PSMD1: variants seen among roughly 807,000 people sequenced by gnomAD.
PSMD1 encodes the protein 26S proteasome non-ATPase regulatory subunit 1.
In PSMD1, 18 loss-of-function variants were observed where a neutral mutation model predicts 119.0. The ratio of observed to expected loss-of-function variants is 0.15; its 90% CI spans 0.10 to 0.22. PSMD1 has a LOEUF of 0.22. PSMD1 is among the 10% of genes least tolerant of loss of function. The pLI is 1.00. For synonymous variants in PSMD1, 374 were observed against 396.6 expected, an observed-to-expected ratio of 0.94 and a Z score of 0.68; for missense variants, 702 against 1,158.5, an observed-to-expected ratio of 0.61 and a Z score of 5.72.
rs762993767 is a variant in PSMD1, at chr2:231,146,287, C to T, written c.2046C>T (p.Tyr682=). Residue 682 remains tyrosine, a synonymous_variant, in exon 18 of 25, where the codon TAC becomes TAT. Coordinates refer to ENST00000308696, the MANE Select transcript of PSMD1 (RefSeq NM_002807.4). ...LEPMTNDPVN[Y]VRQGALIASA... is the part of the protein sequence containing the mutation. ...CAATGACAAACGACCCCGTGAACTA[C>T]GTGAGGCAAGGGGCACTCATAGCTT... 8 of 1,613,764 alleles carry T rather than the reference C, an allele frequency of 5.0e-6. No homozygotes were observed. Among genetic ancestry groups the T allele is most frequent in the South Asian group, 3.3e-5 (3 of 91,058 alleles).
intron 4 of PSMD1, 52 bp downstream of exon 4, chr2:231,062,727 G>A (rs933494879): frequency 1.4e-6 from 2 of 1,389,198 alleles, no homozygotes; most frequent in Non-Finnish European, 1.9e-6. Context: ...CTTTCTTGCT[G>A]TAGTGCACAT....
intron 14 of PSMD1, among the ~76,000 whole-genome samples, chr2:231,084,087 G>T (rs13411316): frequency 6.6e-6 from 1 of 151,846 alleles, no homozygotes; most frequent in Non-Finnish European, 1.5e-5. Context: ...GGTGGCTCAC[G>T]CCTGTAATCC....
At chr2:231,144,513 A>T (rs1696209400) in intron 17 of PSMD1, among the ~76,000 whole-genome samples, 1 of 141,516 alleles carries the variant, frequency 7.1e-6, no homozygotes, top group Non-Finnish European at 1.5e-5. Flanking sequence ...TCCTGACCTC[A>T]GATGATCCAC....
At chr2:231,073,467 A>G (rs1694087559) in intron 7 of PSMD1, among the ~76,000 whole-genome samples, 1 of 152,192 alleles carries the variant, frequency 6.6e-6, no homozygotes, top group Admixed American at 6.5e-5. Context: ...TGTAAGACCT[A>G]CAATTTTGAT....
chr2:231,124,126 TC>T (rs1253372801), intron 16 of PSMD1: 3 of 251,330 alleles, frequency 1.2e-5, no homozygotes, highest in Non-Finnish European at 2.4e-5. Context: ...GCCAGAGAGT[TC>T]CCCCTAGATA....
At chr2:231,132,206 T>A (rs1329525643) in intron 16 of PSMD1, among the ~76,000 whole-genome samples, 1 of 152,120 alleles carries the variant, frequency 6.6e-6, no homozygotes, top group African/African-American at 2.4e-5. Context: ...AGAACTTGAG[T>A]TTTGTGGTTG....
At chr2:231,091,559 C>T (rs557266362) in intron 16 of PSMD1, among the ~76,000 whole-genome samples, 4 of 152,278 alleles carry the variant, frequency 2.6e-5, no homozygotes, top group East Asian at 3.9e-4. Flanking sequence ...GGTTATAACT[C>T]GTTTTCCAGC....
intron 16 of PSMD1, among the ~76,000 whole-genome samples, chr2:231,118,413 G>T (rs1322332586): frequency 1.3e-5 from 2 of 152,028 alleles, no homozygotes; most frequent in African/African-American, 4.8e-5. Flanking sequence ...CTTTCCGGGG[G>T]TGAGGGAGGA....
chr2:231,108,161 T>C, intron 16 of PSMD1: 1 of 249,158 alleles, frequency 4.0e-6, no homozygotes, highest in Non-Finnish European at 7.8e-6. Flanking sequence ...ATGTTTGTTT[T>C]GTTTTATTTC....
intron 16 of PSMD1, among the ~76,000 whole-genome samples, chr2:231,092,632 G>A (rs532463079): frequency 5.3e-5 from 8 of 152,294 alleles, no homozygotes; most frequent in South Asian, 4.1e-4. Context: ...TTGATGCCAC[G>A]ATGGATGAGG....
At chr2:231,098,668 G>A (rs1694789084) in intron 16 of PSMD1, among the ~76,000 whole-genome samples, 2 of 152,082 alleles carry the variant, frequency 1.3e-5, no homozygotes, top group Non-Finnish European at 1.5e-5. Context: ...GGGACCAGCG[G>A]GAGTAGAGCT....
At chr2:231,145,986 G>A (rs1017297131) in intron 17 of PSMD1, among the ~76,000 whole-genome samples, 1 of 146,924 alleles carries the variant, frequency 6.8e-6, no homozygotes, top group African/African-American at 2.5e-5. Flanking sequence ...TTTTCAAAAT[G>A]ATTTATTTAT....
chr2:231,142,515 C>T (rs541299959), intron 17 of PSMD1, among the ~76,000 whole-genome samples: 1 of 152,190 alleles, frequency 6.6e-6, no homozygotes, highest in South Asian at 2.1e-4. Context: ...TGAAACACAG[C>T]ATCTGACAAG....
At chr2:231,151,937 T>C (rs771542392) in intron 18 of PSMD1, among the ~76,000 whole-genome samples, 7 of 151,134 alleles carry the variant, frequency 4.6e-5, no homozygotes, top group Non-Finnish European at 8.8e-5. Flanking sequence ...CTCAGCCTCC[T>C]GAGTAGCTGG....
chr2:231,138,820 G>C lies in PSMD1; in HGVS notation c.1968G>C (p.Leu656Phe). 6.2e-7 allele frequency: 1 copy of C among 1,614,104 alleles called. No individual in the cohort carries two copies. Among genetic ancestry groups the C allele is most frequent in the Admixed American group, 1.7e-5 (1 of 60,020 alleles). The change falls in exon 17 of 25, where the codon TTG becomes TTC. Residue 656 changes from leucine to phenylalanine, a missense_variant. Physicochemically the swap from Leu to Phe is conservative, Grantham distance 22 (BLOSUM62 0). This residue lies in a region of PSMD1 where 272 missense variants were observed against 511.6 expected (regional missense o/e 0.53). Transcript: ENST00000308696. ...TGCGCTACGGAGCTGCAATGGCCTTGGGGATATGCTGTGCTGGTACAGGAA... is the reference window on the plus strand; with the variant it reads ...TGCGCTACGGAGCTGCAATGGCCTTCGGGATATGCTGTGCTGGTACAGGAA... The part of the protein sequence containing the change: ...PHVRYGAAMA[L>F]GICCAGTGNK...
intron 16 of PSMD1, among the ~76,000 whole-genome samples, chr2:231,122,051 A>T (rs994567543): frequency 6.6e-6 from 1 of 152,138 alleles, no homozygotes; most frequent in African/African-American, 2.4e-5. Flanking sequence ...TATGTTCTCT[A>T]TTATAGTAAG....
intron 23 of PSMD1, among the ~76,000 whole-genome samples, chr2:231,168,820 C>A (rs546853620): frequency 6.6e-6 from 1 of 152,360 alleles, no homozygotes; most frequent in African/African-American, 2.4e-5. Flanking sequence ...AAAGAAAACA[C>A]TGCCTCTGTG....
At chr2:231,068,473 T>C (rs1475074766) in intron 5 of PSMD1, among the ~76,000 whole-genome samples, 1 of 152,242 alleles carries the variant, frequency 6.6e-6, no homozygotes, top group South Asian at 2.1e-4. Context: ...AGATGTGCAT[T>C]GTCCCCATTC....
chr2:231,106,023 T>G (rs1313209033), intron 16 of PSMD1, among the ~76,000 whole-genome samples: 2 of 150,918 alleles, frequency 1.3e-5, no homozygotes, highest in East Asian at 1.9e-4. Context: ...AAAAGGTTTT[T>G]TTTTTTTTTT....
Sources: gnomAD v4.1 joint callset for allele counts (sites outside exome capture counted in the v4.1 genomes callset) on GRCh38, gnomAD v4.1.1 for gene constraint, gnomAD v4.1.1 regional missense constraint, MANE v1.5 for transcripts, NCBI Gene and HGNC (gene_info 2026-07-23, HGNC 2026-07-21) for gene names.